Variants in SUMF1 observed in about 807,000 individuals in gnomAD.
The protein encoded by SUMF1 is formylglycine-generating enzyme.
In SUMF1, 48 loss-of-function variants were observed where a neutral mutation model predicts 47.6. The ratio of observed to expected loss-of-function variants is 1.01; its 90% CI spans 0.80 to 1.28. The LOEUF is 1.28. SUMF1 is among the 50% of genes most tolerant of loss of function. The pLI is 0.00. For synonymous variants in SUMF1, 230 were observed against 192.1 expected, an observed-to-expected ratio of 1.20 and a Z score of -1.63; for missense variants, 571 against 485.4, an observed-to-expected ratio of 1.18 and a Z score of -1.66.
At chr3:4,070,310 G>A (rs893519593) in intron 8 of SUMF1, among the ~76,000 whole-genome samples, 17 of 152,236 alleles carry the variant, frequency 1.1e-4, no homozygotes, top group South Asian at 1.0e-3. Flanking sequence ...CTGTTTCACA[G>A]GCATGGTCAC....
In SUMF1 at chr3:4,288,615, T is replaced by C. The variant is rs566667862; in HGVS notation, c.1014+87715A>G. Among the ~76,000 whole-genome samples the C allele has an allele frequency of 1.8e-4, 27 of 152,108 alleles. 1 individual carries two copies. Among genetic ancestry groups the C allele is most frequent in the African/African-American group, 6.0e-4 (25 of 41,512 alleles). ...GAGTTTGAGACCAGCCTGACCAACA[T>C]GGTGAAACCCCATCTCTACCAAAAA... On this transcript the variant is annotated intron_variant and NMD_transcript_variant, in intron 8 of 12. Coordinates refer to the SUMF1 transcript ENST00000448413.
At chr3:4,417,385 C>G (rs1258954810) in intron 5 of SUMF1, 143 bp from the exon 6 acceptor site, 1 of 602,032 alleles carries the variant, frequency 1.7e-6, no homozygotes, top group Admixed American at 2.8e-5. Flanking sequence ...ATAAATAAAG[C>G]TTTTAATCAG....
intron 8 of SUMF1, among the ~76,000 whole-genome samples, chr3:4,343,132 G>C (rs1419220267): frequency 1.3e-5 from 2 of 152,218 alleles, no homozygotes; most frequent in East Asian, 1.9e-4. Context: ...CCAAGGACCA[G>C]CTCTGAGGAC....
In SUMF1 at chr3:4,149,591, G is replaced by A. The variant is rs143529210; in HGVS notation, c.1015-80846C>T. 3.0e-3 allele frequency among the ~76,000 whole-genome samples: 449 copies of A among 152,194 alleles called. 5 individuals carry two copies. The highest frequency in any genetic ancestry group is 0.01 in the African/African-American group (421 of 41,524). Reference sequence around the variant, plus strand: ...ATTAGGAATTTCTTCCTCAGACTGCGCCAATATATCTGTCCTTCCAAAATT... The same window carrying A: ...ATTAGGAATTTCTTCCTCAGACTGCACCAATATATCTGTCCTTCCAAAATT... On this transcript the variant is annotated intron_variant and NMD_transcript_variant, in intron 8 of 12. Coordinates refer to the SUMF1 transcript ENST00000448413.
At chr3:4,283,650 T>A (rs1029126012) in intron 8 of SUMF1, among the ~76,000 whole-genome samples, 10 of 152,216 alleles carry the variant, frequency 6.6e-5, no homozygotes, top group Non-Finnish European at 1.5e-4. Flanking sequence ...AAAAGCATAA[T>A]AGAAGTCTAA....
At chr3:4,085,280 C>G (rs1242327297) in intron 8 of SUMF1, among the ~76,000 whole-genome samples, 2 of 151,968 alleles carry the variant, frequency 1.3e-5, no homozygotes, top group African/African-American at 4.8e-5. Context: ...CTGTGAGTCC[C>G]CAGAAAGGCA....
chr3:4,065,226 CT>C (rs61682028), intron 9 of SUMF1, among the ~76,000 whole-genome samples: 8,494 of 151,380 alleles, frequency 0.056, 768 homozygotes, highest in African/African-American at 0.19. Context: ...TGCTTTTTTG[CT>C]TTTTTTTTCT....
In SUMF1 at chr3:4,417,131, C is replaced by T. The variant is rs150925824; in HGVS notation, c.837G>A (p.Ala279=). The change falls in exon 6 of 9, where the codon GCG becomes GCA. Residue 279 remains alanine (A), a synonymous_variant. Coordinates refer to ENST00000272902, the MANE Select transcript of SUMF1 (RefSeq NM_182760.4). ...NTGEDGFQGT[A]PVDAFPPNGY... ...CTGCAGAGGTCTCATTACTCACAGG[C>T]GCAGTTCCTTGGAAGCCATCCTCAC... 34 of 1,613,718 alleles carry T rather than the reference C, an allele frequency of 2.1e-5. No individual in the cohort carries two copies. The highest frequency in any genetic ancestry group is 5.0e-5 in the Admixed American group (3 of 59,998).
At chr3:4,117,803 G>A (rs1353737475) in intron 8 of SUMF1, among the ~76,000 whole-genome samples, 1 of 152,014 alleles carries the variant, frequency 6.6e-6, no homozygotes, top group Non-Finnish European at 1.5e-5. Flanking sequence ...AATAAAAACA[G>A]ATACATTAAG....
intron 3 of SUMF1, among the ~76,000 whole-genome samples, chr3:4,431,948 A>T (rs1014706160): frequency 1.1e-4 from 17 of 152,112 alleles, no homozygotes; most frequent in African/African-American, 4.1e-4. Context: ...GGTGACAGAT[A>T]TCACTTCCTG....
At chr3:4,363,361 A>T (rs183259489) in intron 8 of SUMF1, among the ~76,000 whole-genome samples, 3 of 152,288 alleles carry the variant, frequency 2.0e-5, no homozygotes, top group Non-Finnish European at 2.9e-5. Flanking sequence ...TTAAAAATAC[A>T]TTGCTCTTCC....
chr3:4,402,185 G>C (rs973724143), intron 7 of SUMF1, among the ~76,000 whole-genome samples: 3 of 152,074 alleles, frequency 2.0e-5, no homozygotes, highest in African/African-American at 7.2e-5. Context: ...AAAAGAAGTG[G>C]GGAAAGAAAG....
chr3:4,229,196 T>C (rs1574999338), intron 8 of SUMF1: 1 of 226,872 alleles, frequency 4.4e-6, no homozygotes, highest in African/African-American at 2.4e-5. Context: ...CACTGGCTGG[T>C]CTAAACTTAG....
intron 8 of SUMF1, among the ~76,000 whole-genome samples, chr3:4,156,457 T>C (rs925005828): frequency 6.6e-6 from 1 of 151,596 alleles, no homozygotes; most frequent in Non-Finnish European, 1.5e-5. Flanking sequence ...ATATCTTCAA[T>C]GTATAAAACA....
chr3:4,112,571 T>C (rs1693332245), intron 8 of SUMF1, among the ~76,000 whole-genome samples: 1 of 152,128 alleles, frequency 6.6e-6, no homozygotes. Context: ...GTGACCATCA[T>C]AAAGATGAAT....
At chr3:4,431,315 A>G (rs1372421450) in intron 3 of SUMF1, among the ~76,000 whole-genome samples, 2 of 152,194 alleles carry the variant, frequency 1.3e-5, no homozygotes, top group African/African-American at 4.8e-5. Flanking sequence ...AATTTTACAT[A>G]TACCTACCCT....
At chr3:4,369,455 G>C (rs558468283) in intron 8 of SUMF1, among the ~76,000 whole-genome samples, 2 of 152,216 alleles carry the variant, frequency 1.3e-5, no homozygotes, top group East Asian at 1.9e-4. Context: ...ACAGTGCTTT[G>C]GTATTTCTAG....
In SUMF1 at chr3:4,410,921, C is replaced by G. The variant is rs1463167586; in HGVS notation, c.898G>C (p.Glu300Gln). 6.2e-7 allele frequency: 1 copy of G among 1,614,086 alleles called. No individual in the cohort carries two copies. The highest frequency in any genetic ancestry group is 1.7e-5 in the Admixed American group (1 of 60,014). ...ACAGTCCACCAGTCTGAAGTCCATTCCCATGCGTTCCCCACTATGTTGTAT... is the reference window on the plus strand; with the variant it reads ...ACAGTCCACCAGTCTGAAGTCCATTGCCATGCGTTCCCCACTATGTTGTAT... ...GLYNIVGNAW[E>Q]WTSDWWTVHH... Residue 300 changes from glutamate to glutamine, a missense_variant, in exon 7 of 9, where the codon GAA (glutamate) becomes CAA (glutamine). Glu to Gln is a conservative substitution (Grantham distance 29, BLOSUM62 2). Transcript: ENST00000272902.
chr3:4,184,261 G>A (rs1304060030), intron 8 of SUMF1, among the ~76,000 whole-genome samples: 1 of 152,008 alleles, frequency 6.6e-6, no homozygotes. Flanking sequence ...TCTGAGACCA[G>A]CCTGGCCAAC....
Sources: gnomAD v4.1 joint callset for allele counts (sites outside exome capture counted in the v4.1 genomes callset) on GRCh38, gnomAD v4.1.1 for gene constraint, MANE v1.5 for transcripts, NCBI Gene and HGNC (gene_info 2026-07-23, HGNC 2026-07-21) for gene names.